Variants in HS3ST3A1 observed in about 807,000 individuals in gnomAD.
HS3ST3A1 encodes heparan sulfate-glucosamine 3-sulfotransferase 3A1.
Under a neutral mutation model 25.7 loss-of-function variants are expected in HS3ST3A1, and 19 were observed. The observed-to-expected ratio is 0.74, with a 90% CI of 0.52 to 1.08. The LOEUF is 1.08. HS3ST3A1 is among the 50% of genes least tolerant of loss of function. The pLI, the probability that HS3ST3A1 is intolerant of heterozygous loss-of-function variation, is 0.00. For synonymous variants in HS3ST3A1, 226 were observed against 278.6 expected (o/e 0.81, Z 1.88); for missense variants, 459 against 594.3 (o/e 0.77, Z 2.37).
chr17:13,494,069 A>C lies in HS3ST3A1; in HGVS notation c.*2128T>G, dbSNP rs1187892311. On this transcript the variant is annotated 3_prime_UTR_variant, in exon 2 of 2. Coordinates refer to ENST00000284110, the MANE Select transcript of HS3ST3A1 (RefSeq NM_006042.3). ...AATTCTGTTCTTTTATTTCTTTCAC[A>C]TTAAAAAAATGAAGGTTGCAGAATG... Among the ~76,000 whole-genome samples, 1 of 152,258 alleles carries C rather than the reference A, an allele frequency of 6.6e-6. No homozygotes were observed. The highest frequency in any genetic ancestry group is 2.4e-5 in the African/African-American group (1 of 41,474).
At chr17:13,514,176 T>C (rs1905978360) in intron 1 of HS3ST3A1, among the ~76,000 whole-genome samples, 1 of 152,052 alleles carries the variant, frequency 6.6e-6, no homozygotes, top group African/African-American at 2.4e-5. Context: ...TTTACATTAA[T>C]GATATTTATC....
chr17:13,562,357 G>A (rs1188514864), intron 1 of HS3ST3A1, among the ~76,000 whole-genome samples: 3 of 152,210 alleles, frequency 2.0e-5, no homozygotes, highest in African/African-American at 7.2e-5. Flanking sequence ...AGACAGCCTC[G>A]TCTATTCTGC....
intron 1 of HS3ST3A1, among the ~76,000 whole-genome samples, chr17:13,520,144 C>T (rs1906184767): frequency 6.6e-6 from 1 of 152,136 alleles, no homozygotes; most frequent in Non-Finnish European, 1.5e-5. Flanking sequence ...TACATCTATC[C>T]TCTAATTAAT....
intron 1 of HS3ST3A1, among the ~76,000 whole-genome samples, chr17:13,578,363 C>T (rs61526013): frequency 0.02 from 2,770 of 141,110 alleles, 127 homozygotes; most frequent in East Asian, 0.17. Flanking sequence ...GCCCGGCCAA[C>T]ACGGTGAAAT....
At chr17:13,498,930 T>C (rs1252242265) in intron 1 of HS3ST3A1, among the ~76,000 whole-genome samples, 1 of 146,194 alleles carries the variant, frequency 6.8e-6, no homozygotes, top group African/African-American at 2.6e-5. Context: ...CATACTCAGA[T>C]TTCCTCCTAT....
At chr17:13,518,375 A>G (rs1370242479) in intron 1 of HS3ST3A1, among the ~76,000 whole-genome samples, 2 of 152,238 alleles carry the variant, frequency 1.3e-5, no homozygotes, top group African/African-American at 2.4e-5. Context: ...AAGAGCCCCA[A>G]AATAGTATTA....
rs185350944 is a variant in HS3ST3A1 at position 13,570,492 on chromosome 17, T to G, written c.599+30039A>C. 5.3e-3 allele frequency among the ~76,000 whole-genome samples: 804 copies of G among 152,366 alleles called. 3 individuals carry two copies. The highest frequency in any genetic ancestry group is 9.2e-3 in the Non-Finnish European group (627 of 68,036). Reference sequence around the variant, plus strand: ...TAAGGTTATTTCCTTTTTGTTTGTTTGTTTTTCGAGACAAACAAACTCTGC... The same window carrying G: ...TAAGGTTATTTCCTTTTTGTTTGTTGGTTTTTCGAGACAAACAAACTCTGC... On this transcript the variant is annotated intron_variant, in intron 1 of 1. Transcript: ENST00000284110.
intron 1 of HS3ST3A1, among the ~76,000 whole-genome samples, chr17:13,591,735 T>C (rs2082934649): frequency 6.6e-6 from 1 of 150,680 alleles, no homozygotes; most frequent in African/African-American, 2.4e-5. Context: ...CTCAGCTCAA[T>C]GCAGCCTCTG....
At chr17:13,595,743 G>A (rs1411018215) in intron 1 of HS3ST3A1, among the ~76,000 whole-genome samples, 1 of 152,184 alleles carries the variant, frequency 6.6e-6, no homozygotes, top group African/African-American at 2.4e-5. Flanking sequence ...CTAAGGAAAC[G>A]AGCTAAGAAT....
At chr17:13,511,822 T>A (rs1208384767) in intron 1 of HS3ST3A1, among the ~76,000 whole-genome samples, 2 of 152,046 alleles carry the variant, frequency 1.3e-5, no homozygotes, top group African/African-American at 4.8e-5. Flanking sequence ...ATTTCAACAT[T>A]TTATATTTAT....
intron 1 of HS3ST3A1, among the ~76,000 whole-genome samples, chr17:13,551,615 G>GA (rs3837822): frequency 1.7e-4 from 21 of 126,764 alleles, no homozygotes; most frequent in Admixed American, 7.0e-4. Context: ...TTCATTCCAA[G>GA]AAAAAAAAAA....
chr17:13,527,240 T>G lies in HS3ST3A1; in HGVS notation c.600-30422A>C, dbSNP rs146989397. Among the ~76,000 whole-genome samples the G allele has an allele frequency of 4.4e-3, 667 of 152,198 alleles. 6 individuals carry two copies. Among genetic ancestry groups the G allele is most frequent in the African/African-American group, 0.015 (622 of 41,520 alleles). On this transcript the variant is annotated intron_variant, in intron 1 of 1. Transcript: ENST00000284110. Reference sequence around the variant, plus strand: ...TCTCTCTTGCCTGCACTAAAGACACTGAACTATGTTCCTATCTGCTATATC... The same window carrying G: ...TCTCTCTTGCCTGCACTAAAGACACGGAACTATGTTCCTATCTGCTATATC...
At chr17:13,508,788 C>T (rs891077711) in intron 1 of HS3ST3A1, among the ~76,000 whole-genome samples, 1 of 152,140 alleles carries the variant, frequency 6.6e-6, no homozygotes, top group African/African-American at 2.4e-5. Context: ...AACTAAAATT[C>T]ACAAACAACC....
rs544525836 is a variant in HS3ST3A1, at chr17:13,601,343, G to T, written c.-214C>A. ...CCGCGCAGGATCCCTGCCTCCAGTC[G>T]AGGGAGCGGGAAGGGGAACGCGGGT... On this transcript the variant is annotated 5_prime_UTR_variant, in exon 1 of 2. Transcript: ENST00000284110. The T allele has an allele frequency of 4.4e-5, 22 of 495,672 alleles. No homozygotes were observed. The East Asian group carries it at 7.8e-4, about 18-fold the overall frequency. The allele number at this position is 495,672 out of a possible 1,614,324, so 30.7% of individuals were successfully genotyped here. A position where few individuals can be genotyped will look rare whatever the true frequency, so the allele number is the denominator to read the frequency against.
chr17:13,527,593 G>C (rs1251042969), intron 1 of HS3ST3A1, among the ~76,000 whole-genome samples: 1 of 152,122 alleles, frequency 6.6e-6, no homozygotes, highest in African/African-American at 2.4e-5. Flanking sequence ...TCACCACAAA[G>C]TGCCAAGAGC....
intron 1 of HS3ST3A1, among the ~76,000 whole-genome samples, chr17:13,575,758 A>T (rs1248331161): frequency 6.6e-6 from 1 of 152,202 alleles, no homozygotes; most frequent in African/African-American, 2.4e-5. Context: ...CCTCAAAAAT[A>T]ACCATTGTAA....
rs1941798502 is a variant in HS3ST3A1 at position 13,494,038 on chromosome 17, G to A, written c.*2159C>T. On this transcript the variant is annotated 3_prime_UTR_variant, in exon 2 of 2. Coordinates refer to ENST00000284110, the MANE Select transcript of HS3ST3A1 (RefSeq NM_006042.3). ...ATCTATGTTCAAAAAGGGATCCTTT[G>A]CATTCAATTCTGTTCTTTTATTTCT... 2.6e-5 allele frequency among the ~76,000 whole-genome samples: 4 copies of A among 152,122 alleles called. No individual in the cohort carries two copies. The South Asian group carries it at 8.3e-4, about 31-fold the overall frequency.
intron 1 of HS3ST3A1, among the ~76,000 whole-genome samples, chr17:13,572,496 A>G (rs1164244048): frequency 1.3e-5 from 2 of 152,146 alleles, no homozygotes; most frequent in Non-Finnish European, 2.9e-5. Flanking sequence ...TACCCATGAA[A>G]AAAGGGCATC....
chr17:13,590,580 C>T (rs1240354831), intron 1 of HS3ST3A1, among the ~76,000 whole-genome samples: 1 of 152,156 alleles, frequency 6.6e-6, no homozygotes, highest in East Asian at 1.9e-4. Context: ...CTCCAACATC[C>T]TATCTGTTTA....
Sources: gnomAD v4.1 joint callset for allele counts (sites outside exome capture counted in the v4.1 genomes callset) on GRCh38, gnomAD v4.1.1 for gene constraint, MANE v1.5 for transcripts, NCBI Gene and HGNC (gene_info 2026-07-23, HGNC 2026-07-21) for gene names.